Variants in LAMA3 observed in about 807,000 individuals in gnomAD.
The protein encoded by LAMA3 is laminin subunit alpha-3.
LAMA3 carries 281 observed loss-of-function variants against 402.0 expected under a neutral mutation model. The observed-to-expected ratio is 0.70, with a 90% CI of 0.63 to 0.77. The LOEUF (loss-of-function observed/expected upper bound fraction) is 0.77. LAMA3 is among the 30% of genes least tolerant of loss of function. The pLI, the probability that LAMA3 is intolerant of heterozygous loss-of-function variation, is 0.00. For synonymous variants in LAMA3, 1,431 were observed against 1,558.4 expected (o/e 0.92, Z 1.93); for missense variants, 3,840 against 4,215.5 (o/e 0.91, Z 2.47).
intron 11 of LAMA3, among the ~76,000 whole-genome samples, chr18:23,779,148 A>G (rs1215369925): frequency 6.6e-6 from 1 of 152,164 alleles, no homozygotes; most frequent in Non-Finnish European, 1.5e-5. Context: ...GGCTGGATGG[A>G]GGCCCTCGTC....
intron 36 of LAMA3, among the ~76,000 whole-genome samples, chr18:23,866,379 C>A (rs1407053051): frequency 1.3e-5 from 2 of 152,230 alleles, no homozygotes; most frequent in African/African-American, 4.8e-5. Context: ...GTCACACACA[C>A]CTCATCACAG....
Position 23,907,871 on chromosome 18 carries a change from G to A in LAMA3, c.6951G>A (p.Lys2317=). 1 of 1,614,144 alleles carries A rather than the reference G, an allele frequency of 6.2e-7. No homozygotes were observed. Among genetic ancestry groups the A allele is most frequent in the Non-Finnish European group, 8.5e-7 (1 of 1,180,036 alleles). The change falls in exon 54 of 75, where the codon AAG becomes AAA. Residue 2317 remains lysine, a synonymous_variant. Transcript: ENST00000313654. The stretch of plus-strand genomic sequence containing the variant: ...TCCAGACAGATGTGGAAAGAATTAA[G>A]GACACCTATGGGAGGACACAGAACG... ...NPIQTDVERI[K]DTYGRTQNED... is the part of the protein sequence containing the mutation.
chr18:23,758,784 A>G (rs2061907569), intron 7 of LAMA3, among the ~76,000 whole-genome samples: 1 of 152,272 alleles, frequency 6.6e-6, no homozygotes, highest in East Asian at 1.9e-4. Flanking sequence ...TTTAGCAATC[A>G]TAAATATGAT....
rs1211137979 is a variant in LAMA3 at position 23,951,739 on chromosome 18, A to C, written c.9698A>C (p.Lys3233Thr). 6 of 1,613,836 alleles carry C rather than the reference A, an allele frequency of 3.7e-6. No individual in the cohort carries two copies. The Admixed American group carries it at 8.3e-5, about 22-fold the overall frequency. ...AGGTSTSVTP[K>T]QSLCDGQWHS... is the part of the protein sequence containing the mutation. ...GGGACCTCAACGTCGGTCACACCAA[A>C]GCAGTCTCTGTGTGATGGACAGTGG... The change falls in exon 73 of 75, where the codon AAG becomes ACG. Residue 3233 changes from lysine to threonine, a missense_variant. Coordinates refer to ENST00000313654, the MANE Select transcript of LAMA3 (RefSeq NM_198129.4).
intron 26 of LAMA3, 81 bp downstream of exon 26, chr18:23,838,959 C>T (rs752264330): frequency 1.4e-5 from 12 of 870,768 alleles, no homozygotes; most frequent in Middle Eastern, 2.1e-4. Context: ...TTATACTCAA[C>T]GTCAGAAATG....
At chr18:23,822,974 A>G (rs1418432865) in intron 20 of LAMA3, among the ~76,000 whole-genome samples, 3 of 152,228 alleles carry the variant, frequency 2.0e-5, no homozygotes, top group Non-Finnish European at 4.4e-5. Flanking sequence ...TAGGGCTTCT[A>G]CCTGTCCTGG....
chr18:23,944,453 C>T (rs2082636029), intron 69 of LAMA3, among the ~76,000 whole-genome samples: 1 of 152,236 alleles, frequency 6.6e-6, no homozygotes, highest in South Asian at 2.1e-4. Flanking sequence ...AGTGACTTGA[C>T]AAGTTGCATT....
chr18:23,712,267 C>A (rs984234112), intron 1 of LAMA3, among the ~76,000 whole-genome samples: 2 of 151,674 alleles, frequency 1.3e-5, no homozygotes, highest in Non-Finnish European at 2.9e-5. Flanking sequence ...GTAATCCCAG[C>A]TACTCGGGAG....
chr18:23,834,126 G>A, intron 24 of LAMA3, 138 bp downstream of exon 24: 2 of 930,516 alleles, frequency 2.1e-6, no homozygotes, highest in East Asian at 4.9e-5. Flanking sequence ...GACTAGTTGT[G>A]TGGCCCAACG....
chr18:23,811,962 C>T (rs1328378273), intron 13 of LAMA3, among the ~76,000 whole-genome samples: 1 of 152,036 alleles, frequency 6.6e-6, no homozygotes. Context: ...CGAGCTCTGC[C>T]TCACGGGTTC....
chr18:23,747,273 CAT>C (rs2061668686), intron 2 of LAMA3, among the ~76,000 whole-genome samples: 2 of 152,298 alleles, frequency 1.3e-5, no homozygotes, highest in East Asian at 1.9e-4. Context: ...GGGATTCACA[CAT>C]GAGGCACCAT....
chr18:23,746,638 CAT>C (rs371177846), intron 2 of LAMA3, among the ~76,000 whole-genome samples: 71 of 152,152 alleles, frequency 4.7e-4, no homozygotes, highest in African/African-American at 1.6e-3. Context: ...TTTATGCTAA[CAT>C]GTAAAATGTT....
chr18:23,884,874 G>C (rs750043637), intron 41 of LAMA3, 21 bp downstream of exon 41: 1 of 1,585,664 alleles, frequency 6.3e-7, no homozygotes, highest in East Asian at 2.3e-5. Context: ...CGCCCCTCCC[G>C]CCTCAGCCTG....
At chr18:23,893,984 T>A (rs2080785539) in intron 42 of LAMA3, among the ~76,000 whole-genome samples, 1 of 152,154 alleles carries the variant, frequency 6.6e-6, no homozygotes, top group East Asian at 1.9e-4. Flanking sequence ...AGTGAAGGAA[T>A]TGAATATATA....
At chr18:23,756,009 G>C (rs2061836544) in intron 6 of LAMA3, among the ~76,000 whole-genome samples, 1 of 152,118 alleles carries the variant, frequency 6.6e-6, no homozygotes. Flanking sequence ...GTGTGGAGTT[G>C]GACTACATAT....
chr18:23,881,784 G>T, intron 39 of LAMA3, 152 bp from the exon 40 acceptor site: 1 of 680,210 alleles, frequency 1.5e-6, no homozygotes. Context: ...GCAATGATTA[G>T]AGGGATAGGG....
intron 12 of LAMA3, among the ~76,000 whole-genome samples, chr18:23,796,826 AC>A (rs2062772124): frequency 6.6e-6 from 1 of 152,262 alleles, no homozygotes; most frequent in Admixed American, 6.5e-5. Context: ...GGCATGAGCC[AC>A]CATGCCTGGC....
At position 23,810,298 on chromosome 18, in the gene LAMA3, G is replaced by A. The variant is rs1568207106; in HGVS notation, c.1604-68G>A. 4.0e-5 allele frequency: 64 copies of A among 1,586,202 alleles called. 1 individual carries two copies. The South Asian group carries it at 4.8e-4, about 12-fold the overall frequency. ...TGGCTCCACCCTCATGCTCTGCTCC[G>A]GGACGTGGTTCTTCCCCCTCCCATA... On this transcript the variant is annotated intron_variant, in intron 12 of 74. Transcript: ENST00000313654.
At chr18:23,921,730 G>T in intron 62 of LAMA3, 145 bp downstream of exon 62, 1 of 781,452 alleles carries the variant, frequency 1.3e-6, no homozygotes, top group Non-Finnish European at 2.2e-6. Flanking sequence ...ATAGTCAACA[G>T]AATAAAACAG....
Sources: allele counts gnomAD v4.1 joint callset (sites outside exome capture counted in the v4.1 genomes callset), GRCh38; gene constraint gnomAD v4.1.1; transcripts MANE v1.5; gene names NCBI Gene and HGNC (gene_info 2026-07-23, HGNC 2026-07-21).